NPEPL1: variants seen among roughly 807,000 people sequenced by gnomAD.
NPEPL1 encodes probable aminopeptidase NPEPL1.
In NPEPL1, 45 loss-of-function variants were observed where a neutral mutation model predicts 52.4. That is an observed-to-expected ratio of 0.86 (90% CI 0.68 to 1.10). The LOEUF (loss-of-function observed/expected upper bound fraction) is 1.10, where lower values mean the gene tolerates loss of function less well. NPEPL1 is among the 50% of genes least tolerant of loss of function. The pLI is 0.00. For missense variants in NPEPL1, 696 were observed against 710.9 expected (o/e 0.98, Z 0.24); for synonymous variants, 360 against 314.7 (o/e 1.14, Z -1.52).
At chr20:58,705,090 G>A (rs2084711971) in intron 6 of NPEPL1, among the ~76,000 whole-genome samples, 1 of 152,198 alleles carries the variant, frequency 6.6e-6, no homozygotes, top group African/African-American at 2.4e-5. Flanking sequence ...ATGGTGATAG[G>A]AGAAAGTTTT....
Position 58,713,975 on chromosome 20 carries a change from C to A in NPEPL1, c.1184C>A (p.Ala395Asp). ...CTCACCAACAGCGCTGAGTGGGAGG[C>A]CGCCTGTGTGAAGGCGGGCAGGAAG... Reference protein sequence around the residue: ...AVLTNSAEWEAACVKAGRKCG... With the variant: ...AVLTNSAEWEDACVKAGRKCG... Residue 395 changes from alanine (A) to aspartate (D), a missense_variant, in exon 10 of 12, where the codon GCC (alanine) becomes GAC (aspartate). Ala to Asp is a moderately radical substitution (Grantham distance 126, BLOSUM62 -2). Coordinates refer to ENST00000356091, the MANE Select transcript of NPEPL1 (RefSeq NM_024663.4). This position sits in a 1 kb window ranked among gnomAD's most constrained non-coding sequence, Gnocchi z 4.6. The A allele has an allele frequency of 6.6e-7, 1 of 1,522,846 alleles. No homozygotes were observed. The highest frequency in any genetic ancestry group is 1.3e-5 in the South Asian group (1 of 79,570). 94.3% of individuals were successfully genotyped at this position (1,522,846 alleles called of 1,614,324 possible).
chr20:58,691,680 C>CTT, upstream of NPEPL1: 1 of 753,608 alleles, frequency 1.3e-6, no homozygotes, highest in African/African-American at 2.2e-5. Context: ...GCTTTTTTTT[C>CTT]TTTTTTTCTT....
chr20:58,695,148 GGTGTGCATGTGTGGT>G (rs1313980401), intron 3 of NPEPL1, among the ~76,000 whole-genome samples: 110 of 57,392 alleles, frequency 1.9e-3, no homozygotes, highest in South Asian at 4.0e-3. Context: ...GTGTGTGTGT[GGTGTGCATGTGTGGT>G]GTGTGCATGT....
chr20:58,693,962 CG>C, intron 2 of NPEPL1, 40 bp downstream of exon 2: 1 of 1,513,848 alleles, frequency 6.6e-7, no homozygotes. Flanking sequence ...TGCTCCTAGT[CG>C]GGCAGCGGTG....
chr20:58,694,051 C>T, intron 2 of NPEPL1, 129 bp downstream of exon 2: 2 of 925,018 alleles, frequency 2.2e-6, no homozygotes, highest in Non-Finnish European at 3.1e-6. Context: ...ATCATCCCTG[C>T]TCTGTAGACA....
At chr20:58,691,401 T>TTTG, upstream of NPEPL1, 1 of 435,086 alleles carries the variant, frequency 2.3e-6, no homozygotes, top group Non-Finnish European at 4.0e-6. Flanking sequence ...TTTTTTTTTT[T>TTTG]GAGTGCCTGC....
intron 6 of NPEPL1, among the ~76,000 whole-genome samples, chr20:58,706,676 T>C (rs1478738232): frequency 7.8e-6 from 1 of 128,042 alleles, no homozygotes; most frequent in African/African-American, 4.4e-5. Flanking sequence ...TCTCACGCTG[T>C]GCGGAGGAGT....
chr20:58,715,321 G>C lies in NPEPL1; in HGVS notation c.1567G>C (p.Val523Leu). ...GAGGGACTCCAAGAGACGCAGGCTTGTGTGAGCCTCCTGCCTCGGCCCTGA... is the reference window on the plus strand; with the variant it reads ...GAGGGACTCCAAGAGACGCAGGCTTCTGTGAGCCTCCTGCCTCGGCCCTGA... ...LGRDSKRRRL[V>L] Residue 523 changes from valine (V) to leucine (L), a missense_variant, in exon 12 of 12, where the codon GTG becomes CTG. By Grantham distance (32) the Val-to-Leu change is conservative (BLOSUM62 1). Transcript: ENST00000356091. 2 of 1,604,188 alleles carry C rather than the reference G, an allele frequency of 1.2e-6. No homozygotes were observed. Among genetic ancestry groups the C allele is most frequent in the East Asian group, 4.5e-5 (2 of 44,572 alleles).
intron 6 of NPEPL1, among the ~76,000 whole-genome samples, chr20:58,705,079 C>T (rs1221572420): frequency 2.0e-5 from 3 of 152,184 alleles, no homozygotes; most frequent in Non-Finnish European, 4.4e-5. Flanking sequence ...AGGAAGTTGT[C>T]ATGGTGATAG....
upstream of NPEPL1, chr20:58,691,714 TCATTTTTA>T: frequency 2.8e-6 from 2 of 722,232 alleles, no homozygotes; most frequent in Non-Finnish European, 4.4e-6. Flanking sequence ...TTTTTTTTTT[TCATTTTTA>T]GGCTGGTTAT....
At chr20:58,714,868 C>A (rs2123159584) in intron 11 of NPEPL1, 198 bp downstream of exon 11, 1 of 612,798 alleles carries the variant, frequency 1.6e-6, no homozygotes, top group South Asian at 2.0e-5. Context: ...CCTTCCCCAG[C>A]CAGCCTGTCC....
At chr20:58,703,692 T>C (rs1378981230) in intron 6 of NPEPL1, 2 of 985,266 alleles carry the variant, frequency 2.0e-6, no homozygotes, top group African/African-American at 1.7e-5. Context: ...CATGTGGCTG[T>C]GGGTAGACCT....
upstream of NPEPL1, chr20:58,691,045 C>T (rs1224614924): frequency 4.3e-6 from 3 of 700,398 alleles, no homozygotes; most frequent in South Asian, 1.5e-5. Flanking sequence ...ACTTCTCCCA[C>T]GTGGAAGGCC....
At chr20:58,708,697 G>T (rs2084781681) in intron 7 of NPEPL1, among the ~76,000 whole-genome samples, 1 of 152,188 alleles carries the variant, frequency 6.6e-6, no homozygotes, top group Non-Finnish European at 1.5e-5. Context: ...GGGGCAGGGT[G>T]GCTCTGGGCT....
upstream of NPEPL1, chr20:58,692,184 C>A (rs758871101): frequency 4.3e-5 from 14 of 324,626 alleles, no homozygotes; most frequent in Non-Finnish European, 6.9e-5. The surrounding 1 kb of genome is among the most constrained non-coding windows in gnomAD (Gnocchi z 5.7). Flanking sequence ...AGCAGCAGTG[C>A]CCTGGATGGA....
intron 8 of NPEPL1, 63 bp downstream of exon 8, chr20:58,712,642 C>A: frequency 8.6e-7 from 1 of 1,164,048 alleles, no homozygotes; most frequent in Non-Finnish European, 1.3e-6. Flanking sequence ...TCCCGGCCTG[C>A]AATGCCAGCT....
chr20:58,713,071 T>C lies in NPEPL1; in HGVS notation c.1002-349T>C. On this transcript the variant is annotated intron_variant, in intron 8 of 11. Transcript: ENST00000356091. This position sits in a 1 kb window ranked among gnomAD's most constrained non-coding sequence, Gnocchi z 4.6. Reference sequence around the variant, plus strand: ...GTGGGCGCCTCCCCGCATCTCCTGCTCTTCCTCCCCATCTGCCGGGTGCCA... The same window carrying C: ...GTGGGCGCCTCCCCGCATCTCCTGCCCTTCCTCCCCATCTGCCGGGTGCCA... The C allele has an allele frequency of 2.8e-6, 1 of 357,358 alleles. No homozygotes were observed. Among genetic ancestry groups the C allele is most frequent in the Non-Finnish European group, 5.3e-6 (1 of 187,244 alleles). The allele number at this position is 357,358 out of a possible 1,614,324, so 22.1% of individuals were successfully genotyped here.
rs1390224930 is a variant in NPEPL1 at position 58,713,180 on chromosome 20, G to A, written c.1002-240G>A. 4.0e-6 allele frequency: 2 copies of A among 497,820 alleles called. No individual in the cohort carries two copies. Among genetic ancestry groups the A allele is most frequent in the Non-Finnish European group, 7.1e-6 (2 of 280,400 alleles). 30.8% of individuals were successfully genotyped at this position (497,820 alleles called of 1,614,324 possible). A position where few individuals can be genotyped will look rare whatever the true frequency, so the allele number is the denominator to read the frequency against. On this transcript the variant is annotated intron_variant, in intron 8 of 11. Transcript: ENST00000356091. The surrounding 1 kb of genome is among the most constrained non-coding windows in gnomAD (Gnocchi z 4.6). Reference sequence around the variant, plus strand: ...AAACTGAGGCATGGGAGAGCCAAATGGCTGGTCTCTGGCTCTCCAGAGCAG... The same window carrying A: ...AAACTGAGGCATGGGAGAGCCAAATAGCTGGTCTCTGGCTCTCCAGAGCAG...
chr20:58,692,793 G>A, upstream of NPEPL1: 4 of 971,104 alleles, frequency 4.1e-6, no homozygotes, highest in Non-Finnish European at 4.9e-6. This position sits in a 1 kb window ranked among gnomAD's most constrained non-coding sequence, Gnocchi z 5.7. Context: ...CCCGCGGGCT[G>A]CCGGGCAGGG....
Sources: allele counts gnomAD v4.1 joint callset (sites outside exome capture counted in the v4.1 genomes callset), GRCh38; gene constraint gnomAD v4.1.1; non-coding constraint Gnocchi (gnomAD v3.1); transcripts MANE v1.5; gene names NCBI Gene and HGNC (gene_info 2026-07-23, HGNC 2026-07-21).